The following MFN2 variants were observed in gnomAD, a reference collection of about 807,000 sequenced individuals.
MFN2 encodes mitofusin-2.
Under a neutral mutation model 87.5 loss-of-function variants are expected in MFN2, and 43 were observed. That is an observed-to-expected ratio of 0.49 (90% CI 0.38 to 0.63). The LOEUF is 0.63. MFN2 is among the 30% of genes least tolerant of loss of function. MFN2 has a pLI of 0.00. For missense variants in MFN2, 743 were observed against 972.8 expected (o/e 0.76, Z 3.14); for synonymous variants, 337 against 359.9 (o/e 0.94, Z 0.72).
chr1:11,982,009 C>T lies in MFN2; in HGVS notation c.-110C>T, dbSNP rs1645995820. The stretch of plus-strand genomic sequence containing the variant: ...GTCAACACAGTCAATCAATAGCCAA[C>T]CTCAACCTGAGACAGGACAGAAGAG... On this transcript the variant is annotated 5_prime_UTR_variant, in exon 2 of 19. Coordinates refer to ENST00000235329, the MANE Select transcript of MFN2 (RefSeq NM_014874.4). 1 of 147,828 alleles carries T rather than the reference C, an allele frequency of 6.8e-6. No homozygotes were observed. Among genetic ancestry groups the T allele is most frequent in the South Asian group, 2.2e-4 (1 of 4,622 alleles). The allele number at this position is 147,828 out of a possible 1,614,324, so 9.2% of individuals were successfully genotyped here.
chr1:12,013,468 T>C lies in MFN2; in HGVS notation c.*1903T>C. ...GCTTGAGTTACTCCTGTATCATTGC[T>C]CATAATATTGGAAACTAAAATAAAA... On this transcript the variant is annotated 3_prime_UTR_variant, in exon 19 of 19. Transcript: ENST00000235329. 2.4e-6 allele frequency: 1 copy of C among 420,408 alleles called. No homozygotes were observed. Among genetic ancestry groups the C allele is most frequent in the Non-Finnish European group, 4.9e-6 (1 of 202,874 alleles). 26.0% of individuals were successfully genotyped at this position (420,408 alleles called of 1,614,324 possible). A position where few individuals can be genotyped will look rare whatever the true frequency, so the allele number is the denominator to read the frequency against.
Position 11,996,044 on chromosome 1 carries a change from C to T in MFN2, c.312-112C>T, listed in dbSNP as rs1009216665. ...TTTGTCTCTCAGCACTGTCTGGGCA[C>T]TGGCAACATTGCACTGAATAGGGCT... On this transcript the variant is annotated intron_variant, in intron 4 of 18. Coordinates refer to ENST00000235329, the MANE Select transcript of MFN2 (RefSeq NM_014874.4). 39 of 1,359,120 alleles carry T rather than the reference C, an allele frequency of 2.9e-5. No individual in the cohort carries two copies. In the Admixed American group the frequency reaches 6.2e-4, roughly 22 times the overall value. 84.2% of individuals were successfully genotyped at this position (1,359,120 alleles called of 1,614,324 possible). A position where few individuals can be genotyped will look rare whatever the true frequency, so the allele number is the denominator to read the frequency against.
rs1207017388 is a variant in MFN2 at position 12,013,183 on chromosome 1, G to A, written c.*1618G>A. On this transcript the variant is annotated 3_prime_UTR_variant, in exon 19 of 19. Transcript: ENST00000235329. Reference sequence around the variant, plus strand: ...CTGTCACACAATTCCAATGGATTTTGTGCTCTTTTTGAAAAAAAAAAATTC... The same window carrying A: ...CTGTCACACAATTCCAATGGATTTTATGCTCTTTTTGAAAAAAAAAAATTC... The A allele has an allele frequency of 1.7e-5, 6 of 348,360 alleles. No individual in the cohort carries two copies. The highest frequency in any genetic ancestry group is 1.3e-4 in the African/African-American group (6 of 45,698). 21.6% of individuals were successfully genotyped at this position (348,360 alleles called of 1,614,324 possible).
chr1:12,010,556 G>A (rs1639649147), intron 18 of MFN2, among the ~76,000 whole-genome samples: 1 of 152,020 alleles, frequency 6.6e-6, no homozygotes, highest in South Asian at 2.1e-4. Context: ...TGGTTACTTG[G>A]CTGGGGACTG....
chr1:11,992,245 T>C, intron 3 of MFN2: 1 of 393,646 alleles, frequency 2.5e-6, no homozygotes. Context: ...TCTCATGAAG[T>C]AGATAATGTA....
Position 12,004,388 on chromosome 1 carries a change from G to T in MFN2, c.1288-121G>T, listed in dbSNP as rs1171536071. On this transcript the variant is annotated intron_variant, in intron 12 of 18. Coordinates refer to ENST00000235329, the MANE Select transcript of MFN2 (RefSeq NM_014874.4). This position sits in a 1 kb window ranked among gnomAD's most constrained non-coding sequence, Gnocchi z 4.2. ...CTTCAGAGGCTTTAATTCCATAGAG[G>T]AGCTGAGGAGGCTGCTGGTTTGAGA... The T allele has an allele frequency of 8.2e-6, 8 of 981,526 alleles. No homozygotes were observed. Among genetic ancestry groups the T allele is most frequent in the South Asian group, 1.3e-5 (1 of 77,840 alleles). The allele number at this position is 981,526 out of a possible 1,614,324, so 60.8% of individuals were successfully genotyped here.
intron 15 of MFN2, among the ~76,000 whole-genome samples, 195 bp from the exon 16 acceptor site, chr1:12,006,343 C>A (rs1049084446): frequency 5.9e-5 from 9 of 152,206 alleles, no homozygotes; most frequent in Non-Finnish European, 7.3e-5. Context: ...GGCTCCTGCT[C>A]ACATTTTGCA....
chr1:11,988,216 C>T lies in MFN2; in HGVS notation c.-4-949C>T, dbSNP rs528063244. Among the ~76,000 whole-genome samples, 2 of 151,926 alleles carry T rather than the reference C, an allele frequency of 1.3e-5. 1 individual carries two copies. Among genetic ancestry groups the T allele is most frequent in the South Asian group, 4.2e-4 (2 of 4,812 alleles). On this transcript the variant is annotated intron_variant, in intron 2 of 18. Coordinates refer to ENST00000235329, the MANE Select transcript of MFN2 (RefSeq NM_014874.4). ...CTCCCAGGTTCAAGCAATTCTCTGC[C>T]TCAGCCTCCCAAGTAGCTGGGATTA...
chr1:12,008,556 C>T (rs1639538590), intron 17 of MFN2, among the ~76,000 whole-genome samples: 1 of 152,014 alleles, frequency 6.6e-6, no homozygotes, highest in African/African-American at 2.4e-5. Context: ...AGGGGCTCCT[C>T]ACTTCTCAGA....
Position 12,013,405 on chromosome 1 carries a change from CAG to C in MFN2, c.*1841_*1842del. 1 of 470,908 alleles carries C rather than the reference CAG, an allele frequency of 2.1e-6. No homozygotes were observed. The allele number at this position is 470,908 out of a possible 1,614,324, so 29.2% of individuals were successfully genotyped here. ...TGCTGGAGCGCAAGACGTGCTGACA[CAG>C]TGAGTTTTCTCTGATGTATTTAAGG... On this transcript the variant is annotated 3_prime_UTR_variant, in exon 19 of 19. Coordinates refer to ENST00000235329, the MANE Select transcript of MFN2 (RefSeq NM_014874.4).
intron 7 of MFN2, 30 bp downstream of exon 7, chr1:11,998,908 C>G: frequency 6.2e-7 from 1 of 1,613,064 alleles, no homozygotes; most frequent in Non-Finnish European, 8.5e-7. Context: ...CTCCCAAGCT[C>G]CCAGCACCCC....
chr1:12,008,666 C>T (rs563972122), intron 17 of MFN2, among the ~76,000 whole-genome samples: 7 of 151,874 alleles, frequency 4.6e-5, no homozygotes, highest in African/African-American at 9.7e-5. Flanking sequence ...GGGGCAGAGG[C>T]GCTCCCCACT....
chr1:11,996,531 C>T (rs1039971556), intron 5 of MFN2, among the ~76,000 whole-genome samples: 2 of 152,158 alleles, frequency 1.3e-5, no homozygotes, highest in African/African-American at 4.8e-5. Context: ...AGAATGAGGA[C>T]CCTGCTGTTC....
rs543940912 is a variant in MFN2, at chr1:12,004,131, G to C, written c.1287+13G>C. ...AGTGGAGAGGCAGGTGAGAAATGAGGAGGAGGCATTCTGGGAAGATTTGGA... is the reference window on the plus strand; with the variant it reads ...AGTGGAGAGGCAGGTGAGAAATGAGCAGGAGGCATTCTGGGAAGATTTGGA... On this transcript the variant is annotated intron_variant, in intron 12 of 18. Coordinates refer to ENST00000235329, the MANE Select transcript of MFN2 (RefSeq NM_014874.4). The surrounding 1 kb of genome is among the most constrained non-coding windows in gnomAD (Gnocchi z 4.2). The C allele has an allele frequency of 2.5e-5, 40 of 1,613,778 alleles. No homozygotes were observed. In the African/African-American group the frequency reaches 5.1e-4, roughly 20 times the overall value.
At chr1:12,008,442 C>T (rs1238692897) in intron 17 of MFN2, among the ~76,000 whole-genome samples, 2 of 140,790 alleles carry the variant, frequency 1.4e-5, no homozygotes, top group Non-Finnish European at 3.0e-5. Context: ...ACCTCCCTCC[C>T]GGACGGGGCG....
At position 12,006,416 on chromosome 1, in the gene MFN2, G is replaced by T. The variant is rs1639418859; in HGVS notation, c.1717-122G>T. ...ATCTGAAGCTAGTTGTCCCCTTTTTGCCTTTTGGAAATTGAAGAGCCACTC... is the reference window on the plus strand; with the variant it reads ...ATCTGAAGCTAGTTGTCCCCTTTTTTCCTTTTGGAAATTGAAGAGCCACTC... On this transcript the variant is annotated intron_variant, in intron 15 of 18. Transcript: ENST00000235329. 3.1e-6 allele frequency: 4 copies of T among 1,298,670 alleles called. No individual in the cohort carries two copies. In the Admixed American group the frequency reaches 6.4e-5, roughly 21 times the overall value. The allele number at this position is 1,298,670 out of a possible 1,614,324, so 80.4% of individuals were successfully genotyped here.
intron 3 of MFN2, among the ~76,000 whole-genome samples, chr1:11,990,530 G>A (rs1307752324): frequency 1.3e-5 from 2 of 152,236 alleles, no homozygotes; most frequent in Non-Finnish European, 2.9e-5. Flanking sequence ...CTACTCAGAT[G>A]ATGTGGTGGA....
In MFN2 at chr1:12,011,496, G is replaced by C. The variant is rs757975290; in HGVS notation, c.2205G>C (p.Arg735Ser). 1 of 1,614,160 alleles carries C rather than the reference G, an allele frequency of 6.2e-7. No homozygotes were observed. Residue 735 changes from arginine (R) to serine (S), a missense_variant and splice_region_variant, in exon 19 of 19, where the codon AGG becomes AGC. Arg to Ser is a moderately radical substitution (Grantham distance 110, BLOSUM62 -1). This residue lies in a region of MFN2 where 571 missense variants were observed against 670.7 expected (regional missense o/e 0.85). Transcript: ENST00000235329. Reference protein sequence around the residue: ...DSLQSKAKLLRNKAGWLDSEL... With the variant: ...DSLQSKAKLLSNKAGWLDSEL... ...TTACAAAAGAACCATTTCTTTGCAGGAATAAAGCCGGTTGGTTGGACAGTG... is the reference window on the plus strand; with the variant it reads ...TTACAAAAGAACCATTTCTTTGCAGCAATAAAGCCGGTTGGTTGGACAGTG...
At chr1:11,988,025 C>A (rs1638498174) in intron 2 of MFN2, among the ~76,000 whole-genome samples, 1 of 151,810 alleles carries the variant, frequency 6.6e-6, no homozygotes, top group African/African-American at 2.4e-5. Flanking sequence ...TTTTTTTCCC[C>A]TTCAGTTTCC....
Sources: allele counts gnomAD v4.1 joint callset (sites outside exome capture counted in the v4.1 genomes callset), GRCh38; gene constraint gnomAD v4.1.1; regional missense constraint gnomAD v4.1.1; non-coding constraint Gnocchi (gnomAD v3.1); transcripts MANE v1.5; gene names NCBI Gene and HGNC (gene_info 2026-07-23, HGNC 2026-07-21).